The following UNC80 variants were observed in gnomAD, a reference collection of about 807,000 sequenced individuals.
UNC80 encodes the protein unc-80 subunit of NALCN channel complex.
A neutral mutation model predicts 384.6 loss-of-function variants in UNC80; 164 were observed. The observed-to-expected ratio is 0.43, with a 90% CI of 0.38 to 0.49. The LOEUF is 0.49. Ranked by LOEUF, UNC80 falls within the 20% of genes least tolerant of loss-of-function variation. UNC80 has a pLI of 0.00. For synonymous variants in UNC80, 1,486 were observed against 1,527.8 expected, an observed-to-expected ratio of 0.97 and a Z score of 0.64; for missense variants, 3,330 against 4,143.0, an observed-to-expected ratio of 0.80 and a Z score of 5.39.
intron 27 of UNC80, among the ~76,000 whole-genome samples, chr2:209,895,015 A>G (rs952373377): frequency 2.0e-5 from 3 of 152,192 alleles, no homozygotes; most frequent in South Asian, 4.1e-4. Context: ...TCTAAAGATA[A>G]ATTAGAAGAT....
chr2:209,793,699 T>C, intron 6 of UNC80, 21 bp from the exon 7 acceptor site: 2 of 1,611,516 alleles, frequency 1.2e-6, no homozygotes, highest in Non-Finnish European at 1.7e-6. Context: ...AAACCTAATC[T>C]GCTATCTCTG....
chr2:209,852,630 A>G (rs938729050), intron 22 of UNC80, among the ~76,000 whole-genome samples: 2 of 152,120 alleles, frequency 1.3e-5, no homozygotes, highest in African/African-American at 4.8e-5. Context: ...AAGGTAATGC[A>G]GCTATATGTC....
Position 209,839,293 on chromosome 2 carries a change from C to T in UNC80, c.3113C>T (p.Ala1038Val). 1 of 1,551,614 alleles carries T rather than the reference C, an allele frequency of 6.4e-7. No individual in the cohort carries two copies. Among genetic ancestry groups the T allele is most frequent in the Non-Finnish European group, 8.7e-7 (1 of 1,146,998 alleles). Residue 1038 changes from alanine to valine, a missense_variant, in exon 19 of 65, where the codon GCA (alanine) becomes GTA (valine). Physicochemically the swap from Ala to Val is moderately conservative, Grantham distance 64. Around this residue, in one of 8 missense-constraint regions of UNC80, gnomAD observed 801 missense variants for 950.8 expected, o/e 0.84. Transcript: ENST00000673920. The surrounding 1 kb of genome is among the most constrained non-coding windows in gnomAD (Gnocchi z 4.1). ...CGTAAGATGTTCAAGTCCCAGAGTG[C>T]AGCAAGTGACACCAGCAGCCAGTCT... The part of the protein sequence containing the change: ...FWRKMFKSQS[A>V]ASDTSSQSEQ...
chr2:209,786,215 A>G (rs1463017891), intron 5 of UNC80, 26 bp downstream of exon 5: 1 of 1,610,976 alleles, frequency 6.2e-7, no homozygotes, highest in Non-Finnish European at 8.5e-7. Flanking sequence ...ACTCAGTAGG[A>G]CAGTATTAGC....
intron 22 of UNC80, among the ~76,000 whole-genome samples, chr2:209,856,031 A>G (rs546628991): frequency 1.3e-5 from 2 of 152,264 alleles, no homozygotes; most frequent in South Asian, 4.1e-4. Context: ...CAATTTTACT[A>G]TATGATACCA....
chr2:209,786,484 A>G (rs1238226492), intron 5 of UNC80, among the ~76,000 whole-genome samples: 1 of 152,190 alleles, frequency 6.6e-6, no homozygotes, highest in East Asian at 1.9e-4. Context: ...AATGGAGCTA[A>G]TATATGTAAA....
In UNC80 at chr2:209,954,114, T is replaced by G. The variant is rs762329297; in HGVS notation, c.7301T>G (p.Met2434Arg). 3 of 1,547,772 alleles carry G rather than the reference T, an allele frequency of 1.9e-6. No individual in the cohort carries two copies. The South Asian group carries it at 3.6e-5, about 19-fold the overall frequency. Reference sequence around the variant, plus strand: ...GTCGCTTAAAGTCTTCAGATGCTGATGGTCTTAGAAGCCTTAGTTCCATGT... The same window carrying G: ...GTCGCTTAAAGTCTTCAGATGCTGAGGGTCTTAGAAGCCTTAGTTCCATGT... ...PESFRSLQML[M>R]VLEALVPCYL... Residue 2434 changes from methionine to arginine, a missense_variant, in exon 48 of 65, where the codon ATG becomes AGG. Around this residue, in one of 8 missense-constraint regions of UNC80, gnomAD observed 1,049 missense variants for 1,488.6 expected, o/e 0.70. Coordinates refer to ENST00000673920, the MANE Select transcript of UNC80 (RefSeq NM_001371986.1).
At chr2:209,921,443 G>A in intron 33 of UNC80, 57 bp from the exon 34 acceptor site, 2 of 1,475,040 alleles carry the variant, frequency 1.4e-6, no homozygotes, top group Non-Finnish European at 1.8e-6. Flanking sequence ...CACTCTTTAT[G>A]CCTGTGACCT....
chr2:209,917,637 CT>C (rs2089662394), intron 31 of UNC80, 139 bp from the exon 32 acceptor site: 1 of 979,786 alleles, frequency 1.0e-6, no homozygotes, highest in South Asian at 1.8e-5. Context: ...AGAAGGTTTG[CT>C]TTTGCCAGTG....
chr2:209,867,799 ACT>A (rs1454240490), intron 22 of UNC80, among the ~76,000 whole-genome samples: 1 of 152,074 alleles, frequency 6.6e-6, no homozygotes, highest in African/African-American at 2.4e-5. Context: ...TGTAATTTCT[ACT>A]CTCCAGTTGT....
At chr2:209,912,816 A>G (rs2089101333) in intron 30 of UNC80, 149 bp downstream of exon 30, 1 of 588,352 alleles carries the variant, frequency 1.7e-6, no homozygotes, top group Non-Finnish European at 2.9e-6. Context: ...AGTGCCACCA[A>G]GTGTGCCAGG....
chr2:209,781,580 T>G (rs1032439567), intron 4 of UNC80, among the ~76,000 whole-genome samples: 1 of 152,206 alleles, frequency 6.6e-6, no homozygotes, highest in Admixed American at 6.5e-5. Context: ...ACCCTTCTGG[T>G]TCTTCTTGCA....
chr2:209,927,642 C>T (rs2090539802), intron 36 of UNC80, among the ~76,000 whole-genome samples: 2 of 152,090 alleles, frequency 1.3e-5, no homozygotes. Flanking sequence ...ATATCTATTG[C>T]TGGTGAAAAA....
At chr2:209,917,671 C>A in intron 31 of UNC80, 106 bp from the exon 32 acceptor site, 1 of 1,354,746 alleles carries the variant, frequency 7.4e-7, no homozygotes, top group Non-Finnish European at 1.0e-6. Flanking sequence ...CTCCATATAG[C>A]TCAGGAGTCA....
At chr2:209,957,162 G>A (rs1260682249) in intron 48 of UNC80, among the ~76,000 whole-genome samples, 1 of 152,200 alleles carries the variant, frequency 6.6e-6, no homozygotes, top group Non-Finnish European at 1.5e-5. Flanking sequence ...AGCCTTAGGT[G>A]TGATGTGACT....
rs182186415 is a variant in UNC80, at chr2:209,817,879, C to G, written c.1620C>G (p.Ser540=). The change falls in exon 11 of 65, where the codon TCC becomes TCG. Residue 540 remains serine (S), a synonymous_variant. Transcript: ENST00000673920. ...TEMESLSARH[S]HSHHTLVSDL... ...TGGAGAGTCTGAGCGCCAGGCATTC[C>G]CACTCCCATCACACCCTGGTAAGCG... 5.8e-3 allele frequency: 9,034 copies of G among 1,551,590 alleles called. 27 individuals are homozygous for G. Among genetic ancestry groups the G allele is most frequent in the Non-Finnish European group, 7.1e-3 (8,107 of 1,146,980 alleles).
chr2:209,799,303 G>C (rs1054002363), intron 7 of UNC80, among the ~76,000 whole-genome samples: 3 of 152,026 alleles, frequency 2.0e-5, no homozygotes, highest in African/African-American at 7.2e-5. Flanking sequence ...CTTGTTAGCT[G>C]TATTTCTAGG....
chr2:209,990,622 C>T (rs977641331), intron 61 of UNC80, among the ~76,000 whole-genome samples: 4 of 152,158 alleles, frequency 2.6e-5, no homozygotes, highest in African/African-American at 9.7e-5. Context: ...GACATGTTAA[C>T]ATGTATAATT....
chr2:209,822,573 A>G (rs533557168), intron 13 of UNC80, among the ~76,000 whole-genome samples: 1 of 152,194 alleles, frequency 6.6e-6, no homozygotes, highest in African/African-American at 2.4e-5. Context: ...AAAAGAGAAT[A>G]TTATGAAATA....
Sources: allele counts gnomAD v4.1 joint callset (sites outside exome capture counted in the v4.1 genomes callset), GRCh38; gene constraint gnomAD v4.1.1; regional missense constraint gnomAD v4.1.1; non-coding constraint Gnocchi (gnomAD v3.1); transcripts MANE v1.5; gene names NCBI Gene and HGNC (gene_info 2026-07-23, HGNC 2026-07-21).